STARD13: variants seen among roughly 807,000 people sequenced by gnomAD.
STARD13 encodes the protein StAR related lipid transfer domain containing 13.
Under a neutral mutation model 106.4 loss-of-function variants are expected in STARD13, and 62 were observed. That is an observed-to-expected ratio of 0.58 (90% CI 0.48 to 0.72). STARD13 has a LOEUF of 0.72. Among genes scored for constraint, STARD13 ranks in the 30% least tolerant of loss-of-function variants. The pLI is 0.00. For synonymous variants in STARD13, 565 were observed against 553.0 expected (o/e 1.02, Z -0.31); for missense variants, 1,387 against 1,424.0 (o/e 0.97, Z 0.42).
intron 1 of STARD13, among the ~76,000 whole-genome samples, chr13:33,349,564 G>A (rs1309592187): frequency 2.0e-5 from 3 of 152,202 alleles, no homozygotes; most frequent in Non-Finnish European, 4.4e-5. Context: ...ACTAAGGAGG[G>A]GGCGGCCTTC....
the STARD13 span, among the ~76,000 whole-genome samples, chr13:33,513,903 G>T: frequency 6.6e-6 from 1 of 152,040 alleles, no homozygotes; most frequent in Non-Finnish European, 1.5e-5. Context: ...ACGTAACAAG[G>T]AAGATAATTT....
intron 1 of STARD13, among the ~76,000 whole-genome samples, chr13:33,194,309 G>A (rs1886461802): frequency 6.6e-6 from 1 of 151,766 alleles, no homozygotes; most frequent in Non-Finnish European, 1.5e-5. Context: ...AATGAATTTT[G>A]GTAAATAATT....
chr13:33,268,292 T>C (rs185338064), intron 1 of STARD13, among the ~76,000 whole-genome samples: 124 of 152,352 alleles, frequency 8.1e-4, no homozygotes, highest in Non-Finnish European at 1.6e-3. Flanking sequence ...AACACTCATT[T>C]CAGATTCACT....
At chr13:33,259,187 T>C (rs1035205126) in intron 1 of STARD13, among the ~76,000 whole-genome samples, 3 of 152,220 alleles carry the variant, frequency 2.0e-5, no homozygotes, top group African/African-American at 7.2e-5. Context: ...GCCCAGCATC[T>C]AACAGTTGCT....
At chr13:33,309,299 C>T (rs1331325145) in intron 1 of STARD13, among the ~76,000 whole-genome samples, 5 of 152,088 alleles carry the variant, frequency 3.3e-5, no homozygotes, top group Non-Finnish European at 7.4e-5. Context: ...GTGAAATTAG[C>T]GAGTTGAGGA....
the STARD13 span, among the ~76,000 whole-genome samples, chr13:33,362,708 G>A: frequency 5.3e-5 from 8 of 152,142 alleles, no homozygotes; most frequent in Non-Finnish European, 1.0e-4. Context: ...CCCCTCTTTG[G>A]AAGCCTTTCC....
chr13:33,374,116 G>T, the STARD13 span, among the ~76,000 whole-genome samples: 1 of 152,160 alleles, frequency 6.6e-6, no homozygotes, highest in Admixed American at 6.5e-5. Context: ...TTAAAAGGAA[G>T]GAAATTCTGG....
the STARD13 span, among the ~76,000 whole-genome samples, chr13:33,501,873 TG>T: frequency 6.6e-6 from 1 of 152,148 alleles, no homozygotes; most frequent in Non-Finnish European, 1.5e-5. Context: ...TCTTTTTTTT[TG>T]GTTCCGTATG....
chr13:33,213,230 C>T (rs1202459987), intron 1 of STARD13, among the ~76,000 whole-genome samples: 2 of 152,016 alleles, frequency 1.3e-5, no homozygotes, highest in East Asian at 3.9e-4. Context: ...CATTTCACTG[C>T]ACATATAGGA....
the STARD13 span, among the ~76,000 whole-genome samples, chr13:33,598,311 AAAG>A: frequency 1.3e-5 from 2 of 152,168 alleles, no homozygotes; most frequent in African/African-American, 4.8e-5. Flanking sequence ...TTGAGGATAA[AAAG>A]AAGTATCAAA....
chr13:33,627,959 T>G, the STARD13 span, among the ~76,000 whole-genome samples: 1 of 148,620 alleles, frequency 6.7e-6, no homozygotes, highest in Non-Finnish European at 1.5e-5. Context: ...GCTATTTCTT[T>G]TTTTTCTTTC....
chr13:33,221,742 C>T (rs1004483961), intron 1 of STARD13, among the ~76,000 whole-genome samples: 1 of 152,212 alleles, frequency 6.6e-6, no homozygotes, highest in Admixed American at 6.5e-5. Flanking sequence ...CATTCACATT[C>T]ATAGCAGCAT....
In STARD13 at chr13:33,176,997, G is replaced by C. The variant is rs189248020; in HGVS notation, c.170-9375C>G. ...TTATCGTCACAAAATCTTAATTGAG[G>C]ATCTTCACATTTGATGTTTAAAAAC... On this transcript the variant is annotated intron_variant, in intron 1 of 13. Transcript: ENST00000336934. Among the ~76,000 whole-genome samples the C allele has an allele frequency of 6.4e-3, 974 of 152,264 alleles. 11 individuals carry two copies. Among genetic ancestry groups the C allele is most frequent in the African/African-American group, 0.022 (917 of 41,538 alleles).
chr13:33,562,408 A>G, the STARD13 span, among the ~76,000 whole-genome samples: 12,663 of 146,312 alleles, frequency 0.087, 1,874 homozygotes, highest in East Asian at 0.32. Flanking sequence ...TTCAATGTCT[A>G]TCTAACACTT....
the STARD13 span, among the ~76,000 whole-genome samples, chr13:33,391,411 T>G: frequency 1.3e-5 from 2 of 152,182 alleles, no homozygotes; most frequent in African/African-American, 2.4e-5. Flanking sequence ...GTAGGAACAT[T>G]TACCGTAAAT....
the STARD13 span, among the ~76,000 whole-genome samples, chr13:33,583,860 T>TG: frequency 6.6e-6 from 1 of 151,720 alleles, no homozygotes; most frequent in African/African-American, 2.4e-5. Context: ...TATAATGTTT[T>TG]TTTTTTCATT....
chr13:33,564,003 C>A, the STARD13 span, among the ~76,000 whole-genome samples: 1 of 146,116 alleles, frequency 6.8e-6, no homozygotes, highest in African/African-American at 2.6e-5. Flanking sequence ...ACCAGCCTGG[C>A]CAACATGGTG....
intron 1 of STARD13, among the ~76,000 whole-genome samples, chr13:33,252,600 C>T (rs987847181): frequency 3.3e-5 from 5 of 152,184 alleles, no homozygotes; most frequent in African/African-American, 4.8e-5. Flanking sequence ...CAGAGGGAAA[C>T]CAATTTTGTC....
At chr13:33,252,231 C>T (rs1890126260) in intron 1 of STARD13, among the ~76,000 whole-genome samples, 1 of 152,152 alleles carries the variant, frequency 6.6e-6, no homozygotes, top group South Asian at 2.1e-4. Flanking sequence ...GCCTTTAATC[C>T]CTCTCCGGTT....
Sources: allele counts gnomAD v4.1 joint callset (sites outside exome capture counted in the v4.1 genomes callset), GRCh38; gene constraint gnomAD v4.1.1; transcripts MANE v1.5; gene names NCBI Gene and HGNC (gene_info 2026-07-23, HGNC 2026-07-21).